Variants in PPIL3 observed in about 807,000 individuals in gnomAD.
The protein encoded by PPIL3 is peptidyl-prolyl cis-trans isomerase-like 3.
PPIL3 carries 13 observed loss-of-function variants against 20.9 expected under a neutral mutation model. That is an observed-to-expected ratio of 0.62 (90% CI 0.40 to 0.99). PPIL3 has a LOEUF of 0.99. Ranked by LOEUF, PPIL3 falls within the 50% of genes least tolerant of loss-of-function variation. The probability of loss-of-function intolerance (pLI) is 0.00; values close to 1 mark genes in which losing one functional copy is unlikely to be tolerated. For synonymous variants in PPIL3, 71 were observed against 64.4 expected, an observed-to-expected ratio of 1.10 and a Z score of -0.49; for missense variants, 170 against 195.2, an observed-to-expected ratio of 0.87 and a Z score of 0.77.
At chr2:200,885,600 G>T in intron 3 of PPIL3, 98 bp downstream of exon 3, 2 of 798,482 alleles carry the variant, frequency 2.5e-6, no homozygotes, top group Non-Finnish European at 2.0e-6. Flanking sequence ...TGGTTTTACA[G>T]AAAGTTTTGT....
chr2:200,887,852 T>A (rs1253974870), intron 1 of PPIL3, among the ~76,000 whole-genome samples, 167 bp from the exon 2 acceptor site: 7 of 151,774 alleles, frequency 4.6e-5, no homozygotes. Context: ...AGGTCAGGAG[T>A]TCGAGACCAG....
intron 3 of PPIL3, among the ~76,000 whole-genome samples, chr2:200,883,961 C>G (rs906335731): frequency 2.0e-5 from 3 of 152,138 alleles, no homozygotes; most frequent in Non-Finnish European, 2.9e-5. Flanking sequence ...ATGGGGGTCT[C>G]ACTATATTGC....
intron 1 of PPIL3, 106 bp from the exon 2 acceptor site, chr2:200,887,791 T>C: frequency 2.1e-6 from 1 of 475,882 alleles, no homozygotes; most frequent in Non-Finnish European, 3.7e-6. Context: ...GCGTGGTGGC[T>C]CACGCCTATA....
chr2:200,881,618 T>C (rs1289835563), intron 4 of PPIL3, 130 bp from the exon 5 acceptor site: 5 of 676,034 alleles, frequency 7.4e-6, no homozygotes, highest in Non-Finnish European at 7.1e-6. Context: ...TGGCCTTTCC[T>C]AATTCCCCAA....
At chr2:200,877,833 A>G (rs1397555494) in intron 5 of PPIL3, among the ~76,000 whole-genome samples, 1 of 152,252 alleles carries the variant, frequency 6.6e-6, no homozygotes, top group Non-Finnish European at 1.5e-5. Context: ...CAGTCAGTTT[A>G]TAACCCCAGG....
intron 3 of PPIL3, chr2:200,885,106 C>A: frequency 6.6e-6 from 1 of 152,580 alleles, no homozygotes; most frequent in Non-Finnish European, 1.4e-5. Flanking sequence ...TGCAGTGGCT[C>A]ATGCTTGTAA....
intron 5 of PPIL3, 47 bp downstream of exon 5, chr2:200,881,374 C>T (rs1292709094): frequency 6.9e-7 from 1 of 1,447,914 alleles, no homozygotes. Context: ...AGTTTCCATG[C>T]ATAACCAAGG....
At chr2:200,888,550 G>A in intron 1 of PPIL3, 1 of 172,462 alleles carries the variant, frequency 5.8e-6, no homozygotes, top group African/African-American at 2.5e-5. Flanking sequence ...ACGGAGTCTC[G>A]CTATGTCGCC....
At chr2:200,876,796 T>C in intron 6 of PPIL3, 123 bp downstream of exon 6, 1 of 765,298 alleles carries the variant, frequency 1.3e-6, no homozygotes, top group South Asian at 1.7e-5. Context: ...GTGCTGGGAT[T>C]ACAGGTGTGA....
chr2:200,876,978 C>T lies in PPIL3; in HGVS notation c.300G>A (p.Gln100=), dbSNP rs779136042. 27 of 1,613,888 alleles carry T rather than the reference C, an allele frequency of 1.7e-5. No homozygotes were observed. The highest frequency in any genetic ancestry group is 2.2e-5 in the East Asian group (1 of 44,888). ...ANNGPNTNGS[Q]FFITYGKQPH... is the part of the protein sequence containing the mutation. Reference sequence around the variant, plus strand: ...GCTGTTTGCCATAGGTGATGAAGAACTGAGATCCATTGGTGTTCGGGCCAT... The same window carrying T: ...GCTGTTTGCCATAGGTGATGAAGAATTGAGATCCATTGGTGTTCGGGCCAT... Residue 100 remains glutamine, a synonymous_variant, in exon 6 of 7, where the codon CAG becomes CAA. Coordinates refer to ENST00000392283, the MANE Select transcript of PPIL3 (RefSeq NM_130906.3).
intron 1 of PPIL3, chr2:200,888,636 G>C (rs757436666): frequency 4.5e-6 from 1 of 223,418 alleles, no homozygotes; most frequent in Admixed American, 5.3e-5. Flanking sequence ...AGTGATTGTC[G>C]TGTCTCAGCC....
At chr2:200,876,100 C>G (rs2039499993) in intron 6 of PPIL3, among the ~76,000 whole-genome samples, 2 of 150,470 alleles carry the variant, frequency 1.3e-5, no homozygotes, top group Non-Finnish European at 2.9e-5. Context: ...CCAGCCTGGG[C>G]AACATAGTGA....
At position 200,885,522 on chromosome 2, in the gene PPIL3, C is replaced by T. The variant is rs2039902003; in HGVS notation, c.78+176G>A. ...AAAATTATCTACGTTCTCTTTGATCCACCTTTGACATTGGACAAATAAGTG... is the reference window on the plus strand; with the variant it reads ...AAAATTATCTACGTTCTCTTTGATCTACCTTTGACATTGGACAAATAAGTG... On this transcript the variant is annotated intron_variant, in intron 3 of 6. Transcript: ENST00000392283. 1.3e-5 allele frequency: 7 copies of T among 550,428 alleles called. 2 individuals are homozygous for T. Among genetic ancestry groups the T allele is most frequent in the South Asian group, 1.2e-4 (5 of 40,076 alleles). 34.1% of individuals were successfully genotyped at this position (550,428 alleles called of 1,614,324 possible). A position where few individuals can be genotyped will look rare whatever the true frequency, so the allele number is the denominator to read the frequency against.
chr2:200,872,132 A>G (rs1421313786), intron 6 of PPIL3, among the ~76,000 whole-genome samples: 2 of 152,142 alleles, frequency 1.3e-5, no homozygotes, highest in Admixed American at 1.3e-4. Context: ...TATCTGACTA[A>G]CCATGATATA....
At chr2:200,884,659 G>C (rs750321923) in intron 3 of PPIL3, among the ~76,000 whole-genome samples, 2 of 151,940 alleles carry the variant, frequency 1.3e-5, no homozygotes, top group Admixed American at 6.6e-5. Flanking sequence ...AGGATTGCTT[G>C]AGCCCAGGAG....
chr2:200,871,403 C>A lies in PPIL3; in HGVS notation c.478G>T (p.Ala160Ser), dbSNP rs1476441808. Reference sequence around the variant, plus strand: ...GTCCAGGTCTATCATAGCTACTGAGCAAATGGGTTGGCATGAATAGTTATG... The same window carrying A: ...GTCCAGGTCTATCATAGCTACTGAGAAAATGGGTTGGCATGAATAGTTATG... ...KDITIHANPFAQ is the reference protein window; with the variant it reads ...KDITIHANPFSQ Residue 160 changes from alanine to serine, a missense_variant, in exon 7 of 7, where the codon GCT becomes TCT. Transcript: ENST00000392283. 2 of 1,610,626 alleles carry A rather than the reference C, an allele frequency of 1.2e-6. No homozygotes were observed. The highest frequency in any genetic ancestry group is 1.3e-5 in the African/African-American group (1 of 74,736).
chr2:200,888,347 A>C (rs1465883533), intron 1 of PPIL3: 1 of 152,232 alleles, frequency 6.6e-6, no homozygotes, highest in Non-Finnish European at 1.5e-5. Flanking sequence ...TCCTACACAG[A>C]ACTGCTTTAG....
At chr2:200,888,639 T>A (rs923878755) in intron 1 of PPIL3, 2 of 231,552 alleles carry the variant, frequency 8.6e-6, no homozygotes, top group Non-Finnish European at 1.8e-5. Flanking sequence ...GATTGTCGTG[T>A]CTCAGCCTCC....
At chr2:200,888,758 TC>T (rs930062014) in intron 1 of PPIL3, among the ~76,000 whole-genome samples, 197 bp downstream of exon 1, 2 of 152,138 alleles carry the variant, frequency 1.3e-5, no homozygotes, top group African/African-American at 4.8e-5. Context: ...ACTCCTGACT[TC>T]AGGTGATCCG....
Sources: allele counts gnomAD v4.1 joint callset (sites outside exome capture counted in the v4.1 genomes callset), GRCh38; gene constraint gnomAD v4.1.1; transcripts MANE v1.5; gene names NCBI Gene and HGNC (gene_info 2026-07-23, HGNC 2026-07-21).